Variants in PPP1R10 observed in about 807,000 individuals in gnomAD.
PPP1R10 encodes the protein protein phosphatase 1 regulatory subunit 10.
Under a neutral mutation model 99.0 loss-of-function variants are expected in PPP1R10, and 15 were observed. The ratio of observed to expected loss-of-function variants is 0.15; its 90% CI spans 0.10 to 0.23. The LOEUF is 0.23. Ranked by LOEUF, PPP1R10 falls within the 10% of genes least tolerant of loss-of-function variation. PPP1R10 has a pLI of 1.00. For synonymous variants in PPP1R10, 430 were observed against 449.5 expected (o/e 0.96, Z 0.55); for missense variants, 947 against 1,259.4 (o/e 0.75, Z 3.75).
chr6:30,615,736 T>C (rs1269300224), intron 2 of PPP1R10, among the ~76,000 whole-genome samples: 3 of 152,182 alleles, frequency 2.0e-5, no homozygotes, highest in Non-Finnish European at 4.4e-5. Context: ...ATCACTCTTT[T>C]GCTTTTAAAT....
intron 6 of PPP1R10, 105 bp downstream of exon 6, chr6:30,607,735 G>C (rs1217553676): frequency 4.7e-6 from 6 of 1,276,554 alleles, no homozygotes; most frequent in Non-Finnish European, 6.8e-6. Context: ...AGGTGAGGTA[G>C]AAAGAGAAAA....
rs1401259332 is a variant in PPP1R10, at chr6:30,606,537, C to G, written c.565G>C (p.Glu189Gln). Residue 189 changes from glutamate to glutamine, a missense_variant, in exon 8 of 20, where the codon GAG becomes CAG. By Grantham distance (29) the Glu-to-Gln change is conservative. Around this residue, in one of 10 missense-constraint regions of PPP1R10, gnomAD observed 92 missense variants for 159.2 expected, o/e 0.58. Coordinates refer to ENST00000376511, the MANE Select transcript of PPP1R10 (RefSeq NM_002714.4). The surrounding 1 kb of genome is among the most constrained non-coding windows in gnomAD (Gnocchi z 6.3). ...GACTTGGGCTTCTCCCTCTTCTTCTCTGGGGCCTCCTCAGCCCGGGTCTCA... is the reference window on the plus strand; with the variant it reads ...GACTTGGGCTTCTCCCTCTTCTTCTGTGGGGCCTCCTCAGCCCGGGTCTCA... The part of the protein sequence containing the change: ...KAETRAEEAP[E>Q]KKREKPKSLR... 1 of 1,614,112 alleles carries G rather than the reference C, an allele frequency of 6.2e-7. No homozygotes were observed. Among genetic ancestry groups the G allele is most frequent in the East Asian group, 2.2e-5 (1 of 44,890 alleles).
intron 2 of PPP1R10, among the ~76,000 whole-genome samples, chr6:30,610,243 T>C (rs994147090): frequency 2.0e-5 from 3 of 152,254 alleles, no homozygotes; most frequent in East Asian, 3.9e-4. Context: ...GCATCCTTCC[T>C]AGGATGGCTG....
chr6:30,602,211 T>C lies in PPP1R10; in HGVS notation c.2438A>G (p.His813Arg). 1 of 1,610,248 alleles carries C rather than the reference T, an allele frequency of 6.2e-7. No individual in the cohort carries two copies. Among genetic ancestry groups the C allele is most frequent in the Non-Finnish European group, 8.5e-7 (1 of 1,178,932 alleles). Residue 813 changes from histidine to arginine, a missense_variant, in exon 19 of 20, where the codon CAT (histidine) becomes CGT (arginine). By Grantham distance (29) the His-to-Arg change is conservative. Coordinates refer to ENST00000376511, the MANE Select transcript of PPP1R10 (RefSeq NM_002714.4). The surrounding 1 kb of genome is among the most constrained non-coding windows in gnomAD (Gnocchi z 6.7). ...TCCGCCAGGGCCTTCATGGGGACGA[T>C]GGCCACTGCCACCACTGATGCCACC... ...PGGGISGGSGHRPHEGPGGGM... is the reference protein window; with the variant it reads ...PGGGISGGSGRRPHEGPGGGM...
chr6:30,603,445 G>T, intron 16 of PPP1R10, 27 bp downstream of exon 16: 1 of 1,598,938 alleles, frequency 6.3e-7, no homozygotes. Flanking sequence ...TCCACAGAAG[G>T]TGGAAAAGGG....
chr6:30,602,540 G>A lies in PPP1R10; in HGVS notation c.2109C>T (p.Tyr703=). 1 of 1,568,132 alleles carries A rather than the reference G, an allele frequency of 6.4e-7. No individual in the cohort carries two copies. Among genetic ancestry groups the A allele is most frequent in the Non-Finnish European group, 8.6e-7 (1 of 1,156,480 alleles). The change falls in exon 19 of 20, where the codon TAC becomes TAT. Residue 703 remains tyrosine (Y), a synonymous_variant. Transcript: ENST00000376511. The surrounding 1 kb of genome is among the most constrained non-coding windows in gnomAD (Gnocchi z 6.7). The part of the protein sequence containing the change: ...RGGPGPGPGP[Y]HRGRGGRGGN... ...CTCCTCGGCCACCTCGGCCTCTATG[G>A]TATGGTCCAGGACCTGGTCCTGGAC...
In PPP1R10 at chr6:30,602,888, C is replaced by G; in HGVS notation, c.1915G>C (p.Gly639Arg). 1 of 1,556,556 alleles carries G rather than the reference C, an allele frequency of 6.4e-7. No individual in the cohort carries two copies. Among genetic ancestry groups the G allele is most frequent in the South Asian group, 1.2e-5 (1 of 84,628 alleles). ...GGTCCAGGGGGAAAGTGCTGCATGCCCTTGGGGCCCCCAGGACCCCCTGGT... is the reference window on the plus strand; with the variant it reads ...GGTCCAGGGGGAAAGTGCTGCATGCGCTTGGGGCCCCCAGGACCCCCTGGT... ...FPPGGPGGPK[G>R]MQHFPPGPGG... Residue 639 changes from glycine to arginine, a missense_variant, in exon 18 of 20, where the codon GGC becomes CGC. Around this residue, in one of 10 missense-constraint regions of PPP1R10, gnomAD observed 525 missense variants for 578.8 expected, o/e 0.91. Transcript: ENST00000376511. The surrounding 1 kb of genome is among the most constrained non-coding windows in gnomAD (Gnocchi z 6.7).
intron 5 of PPP1R10, 28 bp from the exon 6 acceptor site, chr6:30,607,919 T>C: frequency 6.2e-7 from 1 of 1,609,606 alleles, no homozygotes; most frequent in Non-Finnish European, 8.5e-7. Flanking sequence ...AGCAGAAAGG[T>C]AAATGCCAGG....
At chr6:30,607,995 T>A (rs1363275481) in intron 5 of PPP1R10, 104 bp from the exon 6 acceptor site, 18 of 1,232,118 alleles carry the variant, frequency 1.5e-5, no homozygotes, top group South Asian at 8.0e-5. Context: ...TTTTTTTTTT[T>A]TTTTATTTTT....
At chr6:30,614,961 C>T (rs1214279999) in intron 2 of PPP1R10, among the ~76,000 whole-genome samples, 4 of 152,178 alleles carry the variant, frequency 2.6e-5, no homozygotes, top group Admixed American at 1.3e-4. Flanking sequence ...CTAGCAGCAA[C>T]GAGCACAGGC....
chr6:30,617,043 G>A (rs895259400), intron 1 of PPP1R10, 45 bp from the exon 2 acceptor site: 3 of 152,346 alleles, frequency 2.0e-5, no homozygotes, highest in African/African-American at 4.8e-5. Flanking sequence ...ATCAGTACGG[G>A]TTGCTTCAAA....
chr6:30,607,180 G>GA (rs750480338), intron 6 of PPP1R10, among the ~76,000 whole-genome samples: 118 of 152,298 alleles, frequency 7.7e-4, no homozygotes, highest in Non-Finnish European at 1.2e-3. Flanking sequence ...CACTGCTTGG[G>GA]TGATGAGTGT....
At chr6:30,605,386 A>T (rs1296084703) in intron 10 of PPP1R10, among the ~76,000 whole-genome samples, 1 of 152,058 alleles carries the variant, frequency 6.6e-6, no homozygotes, top group African/African-American at 2.4e-5. Context: ...GGTGCCCCTG[A>T]CCAGTCACAG....
In PPP1R10 at chr6:30,602,244, C is replaced by A. The variant is rs773526968; in HGVS notation, c.2405G>T (p.Gly802Val). 1 of 1,612,122 alleles carries A rather than the reference C, an allele frequency of 6.2e-7. No individual in the cohort carries two copies. Among genetic ancestry groups the A allele is most frequent in the East Asian group, 2.2e-5 (1 of 44,832 alleles). ...GCCACCACTGATGCCACCGCCAGGG[C>A]CTTCGTGGGGACGATGTCCTCCACC... is the stretch of plus-strand genomic sequence containing the variant. ...GGGGGHRPHE[G>V]PGGGISGGSG... The change falls in exon 19 of 20, where the codon GGC becomes GTC. Residue 802 changes from glycine to valine, a missense_variant. By Grantham distance (109) the Gly-to-Val change is moderately radical. Transcript: ENST00000376511. The surrounding 1 kb of genome is among the most constrained non-coding windows in gnomAD (Gnocchi z 6.7).
intron 2 of PPP1R10, among the ~76,000 whole-genome samples, chr6:30,610,165 A>G (rs575505698): frequency 3.3e-5 from 5 of 152,356 alleles, no homozygotes; most frequent in African/African-American, 7.2e-5. Flanking sequence ...TGGGGAGCAT[A>G]TGTGACTGAA....
At position 30,602,976 on chromosome 6, in the gene PPP1R10, G is replaced by C; in HGVS notation, c.1844-17C>G. The C allele has an allele frequency of 6.5e-7, 1 of 1,527,028 alleles. No individual in the cohort carries two copies. Among genetic ancestry groups the C allele is most frequent in the Non-Finnish European group, 8.8e-7 (1 of 1,132,704 alleles). 94.6% of individuals were successfully genotyped at this position (1,527,028 alleles called of 1,614,324 possible). On this transcript the variant is annotated splice_polypyrimidine_tract_variant and intron_variant, in intron 17 of 19. Coordinates refer to ENST00000376511, the MANE Select transcript of PPP1R10 (RefSeq NM_002714.4). The surrounding 1 kb of genome is among the most constrained non-coding windows in gnomAD (Gnocchi z 6.7). Reference sequence around the variant, plus strand: ...CATGTGGCACTGTTAATGAAAACAAGAGTAACACAGCATGAGCACTCTAGA... The same window carrying C: ...CATGTGGCACTGTTAATGAAAACAACAGTAACACAGCATGAGCACTCTAGA...
intron 2 of PPP1R10, among the ~76,000 whole-genome samples, chr6:30,613,999 C>A (rs1804820862): frequency 6.6e-6 from 1 of 152,216 alleles, no homozygotes; most frequent in Non-Finnish European, 1.5e-5. Flanking sequence ...TCACCCAGGT[C>A]ACCAGAGGGC....
chr6:30,612,689 A>G (rs1804678244), intron 2 of PPP1R10, among the ~76,000 whole-genome samples: 1 of 152,208 alleles, frequency 6.6e-6, no homozygotes, highest in Non-Finnish European at 1.5e-5. Flanking sequence ...TTTAAAATTA[A>G]GGACCCCAAG....
Position 30,603,959 on chromosome 6 carries a change from G to T in PPP1R10, c.1508+49C>A, listed in dbSNP as rs779189645. 13 of 1,539,594 alleles carry T rather than the reference G, an allele frequency of 8.4e-6. No homozygotes were observed. In the South Asian group the frequency reaches 1.5e-4, roughly 18 times the overall value. On this transcript the variant is annotated intron_variant, in intron 14 of 19. Coordinates refer to ENST00000376511, the MANE Select transcript of PPP1R10 (RefSeq NM_002714.4). ...ATTACCCCAGCTCATGTTCCCTCAG[G>T]AGTGTCCAAGCACTCAACATCCCAG...
Sources: gnomAD v4.1 joint callset for allele counts (sites outside exome capture counted in the v4.1 genomes callset) on GRCh38, gnomAD v4.1.1 for gene constraint, gnomAD v4.1.1 regional missense constraint, Gnocchi (gnomAD v3.1) non-coding constraint, MANE v1.5 for transcripts, NCBI Gene and HGNC (gene_info 2026-07-23, HGNC 2026-07-21) for gene names.